Variants in KCNIP4 observed in about 807,000 individuals in gnomAD.
KCNIP4 encodes Kv channel-interacting protein 4.
Under a neutral mutation model 34.0 loss-of-function variants are expected in KCNIP4, and 12 were observed. The ratio of observed to expected loss-of-function variants is 0.35; its 90% CI spans 0.23 to 0.57. The LOEUF (loss-of-function observed/expected upper bound fraction) is 0.57, where lower values mean the gene tolerates loss of function less well. Ranked by LOEUF, KCNIP4 falls within the 20% of genes least tolerant of loss-of-function variation. KCNIP4 has a pLI of 0.83. For missense variants in KCNIP4, 238 were observed against 311.7 expected (o/e 0.76, Z 1.78); for synonymous variants, 124 against 102.2 (o/e 1.21, Z -1.29).
At chr4:21,310,749 A>G (rs897975204) in intron 1 of KCNIP4, among the ~76,000 whole-genome samples, 3 of 151,960 alleles carry the variant, frequency 2.0e-5, no homozygotes, top group Non-Finnish European at 4.4e-5. Flanking sequence ...CTCCTGCCTC[A>G]GCCTCCCGAG....
intron 3 of KCNIP4, among the ~76,000 whole-genome samples, chr4:20,825,260 A>G (rs1717616835): frequency 2.6e-5 from 3 of 117,244 alleles, no homozygotes; most frequent in African/African-American, 6.9e-5. Context: ...GTAAGATCTG[A>G]TGTTGGGATG....
At chr4:21,737,389 T>G (rs1256522764) in intron 1 of KCNIP4, among the ~76,000 whole-genome samples, 2 of 152,054 alleles carry the variant, frequency 1.3e-5, no homozygotes, top group African/African-American at 2.4e-5. Context: ...CCAAAATATG[T>G]CATGAAGTGG....
intron 1 of KCNIP4, among the ~76,000 whole-genome samples, chr4:21,562,219 A>AT (rs950464698): frequency 8.4e-6 from 1 of 119,378 alleles, no homozygotes; most frequent in African/African-American, 3.0e-5. Flanking sequence ...CAAAGGTTTA[A>AT]TTTAAAAAAA....
intron 1 of KCNIP4, among the ~76,000 whole-genome samples, chr4:21,881,320 C>CT (rs1726447852): frequency 6.6e-6 from 1 of 152,084 alleles, no homozygotes; most frequent in Non-Finnish European, 1.5e-5. Flanking sequence ...GAGAAGCCAG[C>CT]TTTTCTTCCT....
intron 3 of KCNIP4, among the ~76,000 whole-genome samples, chr4:20,790,553 TA>T (rs1192753596): frequency 1.0e-5 from 1 of 99,362 alleles, no homozygotes; most frequent in East Asian, 4.8e-4. Flanking sequence ...TCTTAATTTT[TA>T]ATTTTTTTTT....
At chr4:21,451,085 A>G (rs1728473660) in intron 1 of KCNIP4, among the ~76,000 whole-genome samples, 1 of 152,166 alleles carries the variant, frequency 6.6e-6, no homozygotes, top group Non-Finnish European at 1.5e-5. Context: ...TGAGAACAAC[A>G]AAAAAATTGG....
intron 1 of KCNIP4, among the ~76,000 whole-genome samples, chr4:21,615,117 A>G (rs1479407337): frequency 1.3e-5 from 2 of 152,100 alleles, no homozygotes; most frequent in Non-Finnish European, 2.9e-5. Flanking sequence ...GAATGAAAGA[A>G]GGAGGGAGAG....
chr4:21,016,020 T>C (rs1739509206), intron 1 of KCNIP4, among the ~76,000 whole-genome samples: 1 of 146,910 alleles, frequency 6.8e-6, no homozygotes, highest in African/African-American at 2.5e-5. Flanking sequence ...TATATATATT[T>C]ATATATATCT....
At chr4:21,057,438 C>T (rs1287777195) in intron 1 of KCNIP4, among the ~76,000 whole-genome samples, 1 of 152,104 alleles carries the variant, frequency 6.6e-6, no homozygotes, top group African/African-American at 2.4e-5. Context: ...TAAAATGTAG[C>T]TGTAATTTTT....
rs1427177414 is a variant in KCNIP4, at chr4:21,671,969, G to T, written c.61+276602C>A. ...GAACAAATGCTCCTGGATGTATGAA[G>T]GCCCCAGCAGTAAAGCTGAGCACTT... On this transcript the variant is annotated intron_variant, in intron 1 of 8. Coordinates refer to ENST00000382152, the MANE Select transcript of KCNIP4 (RefSeq NM_025221.6). Among the ~76,000 whole-genome samples, 2 of 152,112 alleles carry T rather than the reference G, an allele frequency of 1.3e-5. 1 individual carries two copies. The highest frequency in any genetic ancestry group is 2.9e-5 in the Non-Finnish European group (2 of 68,032).
intron 1 of KCNIP4, among the ~76,000 whole-genome samples, chr4:21,773,250 T>C (rs1280636086): frequency 6.6e-6 from 1 of 152,180 alleles, no homozygotes; most frequent in African/African-American, 2.4e-5. Context: ...TAATGCTGGG[T>C]TCTAATTTAA....
At chr4:21,905,159 A>G (rs970060272) in intron 1 of KCNIP4, among the ~76,000 whole-genome samples, 20 of 152,126 alleles carry the variant, frequency 1.3e-4, no homozygotes, top group African/African-American at 4.8e-4. Flanking sequence ...TTTTGGGCAA[A>G]TATTCATTTG....
At chr4:21,556,992 ATGT>A (rs1739120667) in intron 1 of KCNIP4, among the ~76,000 whole-genome samples, 1 of 151,254 alleles carries the variant, frequency 6.6e-6, no homozygotes. Flanking sequence ...CTATATAAAA[ATGT>A]TGTTAAAGAA....
chr4:21,277,766 T>C (rs1175456422), intron 1 of KCNIP4, among the ~76,000 whole-genome samples: 1 of 152,086 alleles, frequency 6.6e-6, no homozygotes, highest in Non-Finnish European at 1.5e-5. Flanking sequence ...AGCAAAATAA[T>C]TCGCCAGAGT....
intron 5 of KCNIP4, among the ~76,000 whole-genome samples, chr4:20,742,142 C>CA (rs990508145): frequency 1.3e-5 from 2 of 152,118 alleles, no homozygotes; most frequent in Admixed American, 1.3e-4. Context: ...ACCAGAGGTA[C>CA]AAAGAGGAGC....
intron 1 of KCNIP4, among the ~76,000 whole-genome samples, chr4:21,217,353 G>T (rs772053434): frequency 6.6e-6 from 1 of 152,108 alleles, no homozygotes; most frequent in South Asian, 2.1e-4. Flanking sequence ...AAGTCTACAT[G>T]GTCGTTTTTG....
At chr4:21,141,613 A>C (rs892670533) in intron 1 of KCNIP4, among the ~76,000 whole-genome samples, 3 of 152,168 alleles carry the variant, frequency 2.0e-5, no homozygotes, top group African/African-American at 7.2e-5. Context: ...TGTTGGCTTA[A>C]TGTTTGAATA....
intron 1 of KCNIP4, among the ~76,000 whole-genome samples, chr4:21,446,464 T>C (rs1728001154): frequency 6.6e-6 from 1 of 152,016 alleles, no homozygotes; most frequent in Admixed American, 6.5e-5. Flanking sequence ...AATGAGTTCA[T>C]GTCCTTTGTA....
intron 1 of KCNIP4, among the ~76,000 whole-genome samples, chr4:21,490,392 T>G (rs78369341): frequency 0.038 from 5,755 of 152,198 alleles, 326 homozygotes; most frequent in African/African-American, 0.12. Flanking sequence ...TTCCTTTCCT[T>G]CTCACAACCC....
Sources: gnomAD v4.1 joint callset for allele counts (sites outside exome capture counted in the v4.1 genomes callset) on GRCh38, gnomAD v4.1.1 for gene constraint, MANE v1.5 for transcripts, NCBI Gene and HGNC (gene_info 2026-07-23, HGNC 2026-07-21) for gene names.